CCSER1: variants seen among roughly 807,000 people sequenced by gnomAD.
CCSER1 encodes coiled-coil serine rich protein 1, also known as serine-rich coiled-coil domain-containing protein 1.
A neutral mutation model predicts 82.0 loss-of-function variants in CCSER1; 41 were observed. The ratio of observed to expected loss-of-function variants is 0.50; its 90% CI spans 0.39 to 0.65. The LOEUF (loss-of-function observed/expected upper bound fraction) is 0.65. Among genes scored for constraint, CCSER1 ranks in the 30% least tolerant of loss-of-function variants. The pLI, the probability that CCSER1 is intolerant of heterozygous loss-of-function variation, is 0.00. For missense variants in CCSER1, 1,119 were observed against 1,064.2 expected (o/e 1.05, Z -0.72); for synonymous variants, 414 against 383.9 (o/e 1.08, Z -0.92).
intron 5 of CCSER1, among the ~76,000 whole-genome samples, chr4:90,587,984 C>T (rs967012841): frequency 1.3e-5 from 2 of 152,180 alleles, no homozygotes; most frequent in African/African-American, 4.8e-5. Context: ...TACTATACCA[C>T]AGTCTATTAA....
chr4:90,544,229 CA>C (rs572691927), intron 5 of CCSER1, among the ~76,000 whole-genome samples: 69 of 152,184 alleles, frequency 4.5e-4, no homozygotes, highest in Non-Finnish European at 8.8e-4. Flanking sequence ...AATTAGGAAA[CA>C]GTCCAGAGGA....
At chr4:91,430,709 T>G (rs1754248700) in intron 10 of CCSER1, among the ~76,000 whole-genome samples, 1 of 152,238 alleles carries the variant, frequency 6.6e-6, no homozygotes, top group South Asian at 2.1e-4. Flanking sequence ...TTAGAAATGT[T>G]CGATTATATG....
At chr4:90,410,460 A>G (rs77142557) in intron 4 of CCSER1, among the ~76,000 whole-genome samples, 1 of 152,244 alleles carries the variant, frequency 6.6e-6, no homozygotes, top group East Asian at 1.9e-4. Flanking sequence ...TCCAACTAGA[A>G]CTCAGCACTA....
At chr4:90,709,333 A>G (rs1462929111) in intron 6 of CCSER1, among the ~76,000 whole-genome samples, 3 of 152,142 alleles carry the variant, frequency 2.0e-5, no homozygotes, top group African/African-American at 4.8e-5. Flanking sequence ...CAGGTTTGTT[A>G]TAGGTAAATG....
intron 10 of CCSER1, among the ~76,000 whole-genome samples, chr4:91,099,828 C>T (rs568901411): frequency 3.3e-5 from 5 of 152,226 alleles, no homozygotes; most frequent in African/African-American, 9.6e-5. Context: ...ATAGTGGCTG[C>T]TCTTAGAGAC....
chr4:91,457,162 T>C (rs1756226301), intron 10 of CCSER1, among the ~76,000 whole-genome samples: 1 of 152,154 alleles, frequency 6.6e-6, no homozygotes, highest in African/African-American at 2.4e-5. Context: ...CCACCACATC[T>C]AAATATCAAC....
chr4:91,343,774 A>T (rs1414643642), intron 10 of CCSER1, among the ~76,000 whole-genome samples: 2 of 152,120 alleles, frequency 1.3e-5, no homozygotes, highest in Non-Finnish European at 2.9e-5. Context: ...ATCAGACAAT[A>T]CGATCTATGT....
At chr4:90,323,283 G>T (rs1159169382) in intron 3 of CCSER1, among the ~76,000 whole-genome samples, 3 of 152,142 alleles carry the variant, frequency 2.0e-5, no homozygotes, top group African/African-American at 7.2e-5. Flanking sequence ...TGTACCCCAA[G>T]TCCACTGGCT....
At chr4:90,604,970 G>T (rs1290738240) in intron 5 of CCSER1, among the ~76,000 whole-genome samples, 3 of 151,502 alleles carry the variant, frequency 2.0e-5, no homozygotes, top group African/African-American at 4.9e-5. Flanking sequence ...AAAGCAGGCT[G>T]CCCCAGCCAG....
intron 9 of CCSER1, among the ~76,000 whole-genome samples, chr4:90,950,539 T>TAC (rs1732791087): frequency 8.2e-6 from 1 of 122,452 alleles, no homozygotes; most frequent in South Asian, 2.3e-4. Context: ...CACACACACA[T>TAC]ACACACACGT....
intron 10 of CCSER1, among the ~76,000 whole-genome samples, chr4:91,219,289 G>C (rs959173918): frequency 2.4e-4 from 32 of 135,672 alleles, no homozygotes; most frequent in African/African-American, 8.6e-4. Context: ...AAAGTGAATA[G>C]TCAATATTTA....
chr4:90,375,167 T>A (rs1424749651), intron 3 of CCSER1, among the ~76,000 whole-genome samples: 4 of 152,216 alleles, frequency 2.6e-5, no homozygotes, highest in Non-Finnish European at 4.4e-5. Flanking sequence ...AACTTAATTC[T>A]AGTTCATCCA....
At chr4:90,951,167 G>A (rs572963439) in intron 9 of CCSER1, 5 of 152,194 alleles carry the variant, frequency 3.3e-5, no homozygotes, top group Admixed American at 6.6e-5. Context: ...GAAGGTTAGT[G>A]AGCCAATGAC....
intron 10 of CCSER1, among the ~76,000 whole-genome samples, chr4:91,408,594 A>C (rs977376429): frequency 2.6e-5 from 4 of 152,194 alleles, no homozygotes; most frequent in African/African-American, 9.6e-5. Context: ...ATTTGCCTGC[A>C]ATCTGATATA....
chr4:91,296,705 C>A (rs964428530), intron 10 of CCSER1, among the ~76,000 whole-genome samples: 2 of 150,130 alleles, frequency 1.3e-5, no homozygotes, highest in African/African-American at 4.9e-5. Flanking sequence ...ATTTTAAGAA[C>A]TTTAAATACT....
intron 6 of CCSER1, among the ~76,000 whole-genome samples, chr4:90,667,484 C>T (rs1200012674): frequency 1.3e-5 from 2 of 152,094 alleles, no homozygotes; most frequent in Non-Finnish European, 2.9e-5. Context: ...CTAATGCTAT[C>T]CCTCCCCAGC....
chr4:91,223,846 C>T (rs1737941861), intron 10 of CCSER1, among the ~76,000 whole-genome samples: 1 of 152,120 alleles, frequency 6.6e-6, no homozygotes, highest in Admixed American at 6.6e-5. Flanking sequence ...GTTAAATGAG[C>T]AACCACAGAT....
At chr4:90,246,865 T>G (rs1182076294) in intron 1 of CCSER1, among the ~76,000 whole-genome samples, 2 of 152,092 alleles carry the variant, frequency 1.3e-5, no homozygotes, top group South Asian at 2.1e-4. Flanking sequence ...ACTATAGGGT[T>G]TTTTTTTCTT....
At chr4:90,961,303 C>G (rs1022261074) in intron 9 of CCSER1, among the ~76,000 whole-genome samples, 2 of 152,132 alleles carry the variant, frequency 1.3e-5, no homozygotes, top group Non-Finnish European at 2.9e-5. Flanking sequence ...TAGCTTGCCT[C>G]TTTCTCCTAT....
Sources: allele counts gnomAD v4.1 joint callset (sites outside exome capture counted in the v4.1 genomes callset), GRCh38; gene constraint gnomAD v4.1.1; transcripts MANE v1.5; gene names NCBI Gene and HGNC (gene_info 2026-07-23, HGNC 2026-07-21).